Variants in KLHL18 observed in about 807,000 individuals in gnomAD.
The protein encoded by KLHL18 is kelch like family member 18.
Under a neutral mutation model 58.5 loss-of-function variants are expected in KLHL18, and 38 were observed. The ratio of observed to expected loss-of-function variants is 0.65; its 90% CI spans 0.50 to 0.85. KLHL18 has a LOEUF of 0.85. Ranked by LOEUF, KLHL18 falls within the 40% of genes least tolerant of loss-of-function variation. The pLI is 0.00. For synonymous variants in KLHL18, 303 were observed against 301.9 expected, an observed-to-expected ratio of 1.00 and a Z score of -0.04; for missense variants, 624 against 778.4, an observed-to-expected ratio of 0.80 and a Z score of 2.36.
At chr3:47,326,258 G>C (rs1703719055) in intron 3 of KLHL18, among the ~76,000 whole-genome samples, 1 of 152,030 alleles carries the variant, frequency 6.6e-6, no homozygotes, top group Admixed American at 6.6e-5. Context: ...TTGGAGCTGT[G>C]TATTTTCTGA....
At chr3:47,335,600 C>T (rs564340310) in intron 6 of KLHL18, among the ~76,000 whole-genome samples, 9 of 152,210 alleles carry the variant, frequency 5.9e-5, no homozygotes, top group African/African-American at 1.7e-4. Flanking sequence ...CTCTGCCTCC[C>T]GGGTTCAAGC....
At chr3:47,283,212 A>G (rs755431396) in intron 1 of KLHL18, 118 bp downstream of exon 1, 171 of 234,592 alleles carry the variant, frequency 7.3e-4, no homozygotes, top group South Asian at 2.2e-3. Flanking sequence ...AAGAGGTGTG[A>G]GGGGGGCCGA....
At position 47,340,482 on chromosome 3, in the gene KLHL18, G is replaced by A; in HGVS notation, c.1122-90G>A. On this transcript the variant is annotated intron_variant, in intron 7 of 9. Coordinates refer to ENST00000232766, the MANE Select transcript of KLHL18 (RefSeq NM_025010.5). ...ACCTTAGATTTACGTTGCAGAAAGAGGCAATTGATAGGTTTGTTTCTCAGT... is the reference window on the plus strand; with the variant it reads ...ACCTTAGATTTACGTTGCAGAAAGAAGCAATTGATAGGTTTGTTTCTCAGT... 3 of 1,588,604 alleles carry A rather than the reference G, an allele frequency of 1.9e-6. No homozygotes were observed. The South Asian group carries it at 3.3e-5, about 18-fold the overall frequency.
chr3:47,294,221 T>G (rs1300917415), intron 1 of KLHL18, among the ~76,000 whole-genome samples: 1 of 152,174 alleles, frequency 6.6e-6, no homozygotes, highest in Non-Finnish European at 1.5e-5. Flanking sequence ...ATTCTGATCT[T>G]ATTCTGCTCT....
chr3:47,333,498 T>A (rs942731505), intron 5 of KLHL18, among the ~76,000 whole-genome samples, 181 bp downstream of exon 5: 1 of 152,236 alleles, frequency 6.6e-6, no homozygotes, highest in Non-Finnish European at 1.5e-5. Flanking sequence ...CCGAATCTTA[T>A]GCCTTGGGCA....
In KLHL18 at chr3:47,283,898, T is replaced by C. The variant is rs1351598433; in HGVS notation, c.129+804T>C. Among the ~76,000 whole-genome samples, 3 of 152,314 alleles carry C rather than the reference T, an allele frequency of 2.0e-5. No individual in the cohort carries two copies. In the East Asian group the frequency reaches 5.8e-4, roughly 29 times the overall value. On this transcript the variant is annotated intron_variant, in intron 1 of 9. Transcript: ENST00000232766. Reference sequence around the variant, plus strand: ...GGAGATGATCAGTGGGGCTCCCTGTTGGGCTTTAGCTGGAAAGCTCTCAGC... The same window carrying C: ...GGAGATGATCAGTGGGGCTCCCTGTCGGGCTTTAGCTGGAAAGCTCTCAGC...
chr3:47,334,836 C>T lies in KLHL18; in HGVS notation c.898+17C>T, dbSNP rs747191813. 1 of 1,600,626 alleles carries T rather than the reference C, an allele frequency of 6.2e-7. No individual in the cohort carries two copies. The highest frequency in any genetic ancestry group is 1.7e-5 in the Admixed American group (1 of 57,670). On this transcript the variant is annotated intron_variant, in intron 6 of 9. Coordinates refer to ENST00000232766, the MANE Select transcript of KLHL18 (RefSeq NM_025010.5). This position sits in a 1 kb window ranked among gnomAD's most constrained non-coding sequence, Gnocchi z 4.7. The stretch of plus-strand genomic sequence containing the variant: ...ACTCAGCAGGTACCTTGCGGCTCCC[C>T]TTTATAGACCCTCCTCTTGGACTCC...
At chr3:47,307,046 A>G (rs1323559342) in intron 1 of KLHL18, among the ~76,000 whole-genome samples, 1 of 151,694 alleles carries the variant, frequency 6.6e-6, no homozygotes, top group African/African-American at 2.4e-5. Context: ...TGTTGGTTTT[A>G]TGTTTGCAAA....
At chr3:47,336,864 G>A in intron 7 of KLHL18, 107 bp downstream of exon 7, 1 of 910,086 alleles carries the variant, frequency 1.1e-6, no homozygotes, top group Admixed American at 2.3e-5. Context: ...GCTTTGGCCT[G>A]GGAGTTTCCT....
intron 1 of KLHL18, among the ~76,000 whole-genome samples, chr3:47,301,844 G>A (rs1703032475): frequency 6.6e-6 from 1 of 152,148 alleles, no homozygotes; most frequent in Admixed American, 6.5e-5. Context: ...CATCCAGGCT[G>A]GAGTGCAGTG....
intron 9 of KLHL18, among the ~76,000 whole-genome samples, chr3:47,343,109 T>G (rs1704146038): frequency 6.6e-6 from 1 of 152,198 alleles, no homozygotes; most frequent in Admixed American, 6.5e-5. Flanking sequence ...CTGCCCAAAG[T>G]AAGTTCAGTT....
At chr3:47,286,033 C>G (rs1459491409) in intron 1 of KLHL18, among the ~76,000 whole-genome samples, 1 of 149,988 alleles carries the variant, frequency 6.7e-6, no homozygotes, top group African/African-American at 2.5e-5. Flanking sequence ...GAGTAAGACC[C>G]TGTCTCAAAA....
chr3:47,302,141 T>A (rs1418089066), intron 1 of KLHL18, among the ~76,000 whole-genome samples: 1 of 152,172 alleles, frequency 6.6e-6, no homozygotes, highest in East Asian at 1.9e-4. Flanking sequence ...TTATGTTATG[T>A]GTTATACTGT....
At chr3:47,295,747 A>AT (rs537889639) in intron 1 of KLHL18, among the ~76,000 whole-genome samples, 58 of 145,770 alleles carry the variant, frequency 4.0e-4, no homozygotes, top group Middle Eastern at 3.5e-3. Flanking sequence ...TTAAAAAAAA[A>AT]TTTTTTTTTT....
At position 47,344,831 on chromosome 3, in the gene KLHL18, G is replaced by C. The variant is rs765547605; in HGVS notation, c.*890G>C. ...TCGCATTGAGCTGGGGGTTCCCTCT[G>C]AGCCCCAGTGTGTGTGGAATCAGTG... is the stretch of plus-strand genomic sequence containing the variant. On this transcript the variant is annotated 3_prime_UTR_variant, in exon 10 of 10. Transcript: ENST00000232766. The C allele has an allele frequency of 2.0e-5, 3 of 152,632 alleles. No homozygotes were observed. Among genetic ancestry groups the C allele is most frequent in the Non-Finnish European group, 2.9e-5 (2 of 68,054 alleles). 9.5% of individuals were successfully genotyped at this position (152,632 alleles called of 1,614,324 possible). A position where few individuals can be genotyped will look rare whatever the true frequency, so the allele number is the denominator to read the frequency against.
intron 3 of KLHL18, among the ~76,000 whole-genome samples, chr3:47,326,656 G>A (rs1316337182): frequency 2.0e-5 from 3 of 152,112 alleles, no homozygotes; most frequent in Non-Finnish European, 4.4e-5. Context: ...GTTGACTCAC[G>A]CCTGTAATCC....
chr3:47,296,398 A>G (rs1347583087), intron 1 of KLHL18, among the ~76,000 whole-genome samples: 2 of 152,356 alleles, frequency 1.3e-5, no homozygotes, highest in South Asian at 2.1e-4. Context: ...AACATACTAT[A>G]TAAGTGCATT....
intron 4 of KLHL18, among the ~76,000 whole-genome samples, chr3:47,332,154 A>G (rs1266809775): frequency 6.6e-6 from 1 of 152,128 alleles, no homozygotes; most frequent in Non-Finnish European, 1.5e-5. Flanking sequence ...GTTTGAGACC[A>G]GCCTGGGCAA....
chr3:47,322,225 A>G (rs1223468462), intron 2 of KLHL18, among the ~76,000 whole-genome samples: 1 of 152,254 alleles, frequency 6.6e-6, no homozygotes, highest in African/African-American at 2.4e-5. Flanking sequence ...ACATGAAGAC[A>G]GTGTACCAAC....
Sources: gnomAD v4.1 joint callset for allele counts (sites outside exome capture counted in the v4.1 genomes callset) on GRCh38, gnomAD v4.1.1 for gene constraint, Gnocchi (gnomAD v3.1) non-coding constraint, MANE v1.5 for transcripts, NCBI Gene and HGNC (gene_info 2026-07-23, HGNC 2026-07-21) for gene names.